The following SUSD5 variants were observed in gnomAD, a reference collection of about 807,000 sequenced individuals.
SUSD5 encodes sushi domain-containing protein 5.
Under a neutral mutation model 29.5 loss-of-function variants are expected in SUSD5, and 33 were observed. The ratio of observed to expected loss-of-function variants is 1.12; its 90% CI spans 0.85 to 1.49. The LOEUF (loss-of-function observed/expected upper bound fraction) is 1.49, where lower values mean the gene tolerates loss of function less well. Among genes scored for constraint, SUSD5 ranks in the 40% most tolerant of loss-of-function variants. The pLI is 0.00. For synonymous variants in SUSD5, 308 were observed against 325.3 expected (o/e 0.95, Z 0.57); for missense variants, 776 against 800.6 (o/e 0.97, Z 0.37).
At chr3:33,164,177 GA>G (rs1193115751) in intron 4 of SUSD5, among the ~76,000 whole-genome samples, 16 of 149,528 alleles carry the variant, frequency 1.1e-4, no homozygotes, top group Admixed American at 1.1e-3. Context: ...CTGTCTCAAA[GA>G]AAAAAAAAGA....
chr3:33,161,813 A>C (rs7349481), intron 4 of SUSD5, among the ~76,000 whole-genome samples: 126,096 of 151,638 alleles, frequency 0.83, 53,000 homozygotes, highest in East Asian at 1. Flanking sequence ...TATGTACTTA[A>C]TAATATAGCC....
intron 3 of SUSD5, among the ~76,000 whole-genome samples, chr3:33,202,109 A>C (rs1203954275): frequency 6.6e-6 from 1 of 152,024 alleles, no homozygotes; most frequent in Non-Finnish European, 1.5e-5. Flanking sequence ...TGAAGCACCC[A>C]CAAGTCTGAG....
Position 33,207,911 on chromosome 3 carries a change from G to A in SUSD5, c.306C>T (p.Ser102=). Residue 102 remains serine (S), a synonymous_variant, in exon 3 of 5, where the codon AGC becomes AGT. Coordinates refer to ENST00000309558, the MANE Select transcript of SUSD5 (RefSeq NM_015551.2). The part of the protein sequence containing the change: ...ADGTLGTTVC[S]KGSGEQQIMR... ...TGATTTGCTGTTCTCCACTTCCTTT[G>A]CTACACACAGTTGTTCTGAAATAGA... The A allele has an allele frequency of 2.5e-6, 4 of 1,613,576 alleles. No homozygotes were observed. The South Asian group carries it at 4.4e-5, about 18-fold the overall frequency.
intron 3 of SUSD5, among the ~76,000 whole-genome samples, chr3:33,196,807 A>T (rs574004889): frequency 6.6e-6 from 1 of 152,350 alleles, no homozygotes; most frequent in East Asian, 1.9e-4. Flanking sequence ...TGAGTATCGT[A>T]CATTCCAACC....
chr3:33,176,113 T>C (rs1319530940), intron 3 of SUSD5, among the ~76,000 whole-genome samples: 2 of 152,224 alleles, frequency 1.3e-5, no homozygotes, highest in African/African-American at 4.8e-5. Context: ...CCTTTTCAGA[T>C]TGGCTTCTTT....
chr3:33,186,420 CCTTT>C (rs1241496841), intron 3 of SUSD5, among the ~76,000 whole-genome samples: 6 of 146,702 alleles, frequency 4.1e-5, no homozygotes, highest in Admixed American at 6.9e-5. Flanking sequence ...GTAGCACTTT[CCTTT>C]CTTTCTTTTT....
chr3:33,175,713 A>C (rs761085587), intron 3 of SUSD5, among the ~76,000 whole-genome samples: 2 of 152,068 alleles, frequency 1.3e-5, no homozygotes, highest in Non-Finnish European at 2.9e-5. Context: ...GGTTCACATC[A>C]AAGTTGAGCA....
chr3:33,168,996 G>T (rs971626714), intron 4 of SUSD5, among the ~76,000 whole-genome samples: 12 of 152,104 alleles, frequency 7.9e-5, no homozygotes, highest in African/African-American at 2.9e-4. Flanking sequence ...TCTGGTGTCT[G>T]ACACAGGCAA....
Position 33,150,888 on chromosome 3 carries a change from T to G in SUSD5, c.*1854A>C, listed in dbSNP as rs1241665049. 8 of 152,210 alleles carry G rather than the reference T, an allele frequency of 5.3e-5. No individual in the cohort carries two copies. 9.4% of individuals were successfully genotyped at this position (152,210 alleles called of 1,614,324 possible). On this transcript the variant is annotated 3_prime_UTR_variant, in exon 5 of 5. Coordinates refer to ENST00000309558, the MANE Select transcript of SUSD5 (RefSeq NM_015551.2). ...CTTAGACTGCTATGGTGTCTCAAAA[T>G]AAATGTGTTGCATTCATCACTTTTT...
intron 1 of SUSD5, 111 bp from the exon 2 acceptor site, chr3:33,214,216 C>T: frequency 3.9e-6 from 4 of 1,035,374 alleles, no homozygotes; most frequent in Non-Finnish European, 5.4e-6. Context: ...TGCCTGAAGG[C>T]CCAAGTGCAG....
intron 3 of SUSD5, 48 bp downstream of exon 3, chr3:33,207,760 C>A (rs1356658521): frequency 7.6e-7 from 1 of 1,310,536 alleles, no homozygotes; most frequent in Non-Finnish European, 1.1e-6. Context: ...ATATAGCAAT[C>A]CCCAAGAGCA....
intron 3 of SUSD5, among the ~76,000 whole-genome samples, chr3:33,182,670 A>G (rs2031696164): frequency 6.6e-6 from 1 of 152,184 alleles, no homozygotes; most frequent in Non-Finnish European, 1.5e-5. Context: ...CCATTATGTA[A>G]TTCTTCTCTT....
chr3:33,199,321 T>C lies in SUSD5; in HGVS notation c.409+8487A>G, dbSNP rs193284045. 1.9e-3 allele frequency among the ~76,000 whole-genome samples: 286 copies of C among 152,294 alleles called. 1 individual carries two copies. Among genetic ancestry groups the C allele is most frequent in the Middle Eastern group, 6.8e-3 (2 of 294 alleles). ...CGGAGTCTCGCTCTGTTGCCCAGGCTGGAGTGCAGTGGCACAATCTCGGCT... is the reference window on the plus strand; with the variant it reads ...CGGAGTCTCGCTCTGTTGCCCAGGCCGGAGTGCAGTGGCACAATCTCGGCT... On this transcript the variant is annotated intron_variant, in intron 3 of 4. Coordinates refer to ENST00000309558, the MANE Select transcript of SUSD5 (RefSeq NM_015551.2).
At position 33,150,862 on chromosome 3, in the gene SUSD5, ACT is replaced by A. The variant is rs1348462041; in HGVS notation, c.*1878_*1879del. 1 of 152,226 alleles carries A rather than the reference ACT, an allele frequency of 6.6e-6. No individual in the cohort carries two copies. Among genetic ancestry groups the A allele is most frequent in the Non-Finnish European group, 1.5e-5 (1 of 68,032 alleles). 9.4% of individuals were successfully genotyped at this position (152,226 alleles called of 1,614,324 possible). A position where few individuals can be genotyped will look rare whatever the true frequency, so the allele number is the denominator to read the frequency against. The stretch of plus-strand genomic sequence containing the variant: ...GGATTTCCCTCTACCACACAAAAAC[ACT>A]TAGACTGCTATGGTGTCTCAAAATA... On this transcript the variant is annotated 3_prime_UTR_variant, in exon 5 of 5. Transcript: ENST00000309558.
rs1398764354 is a variant in SUSD5 at position 33,151,398 on chromosome 3, G to A, written c.*1344C>T. 2 of 152,242 alleles carry A rather than the reference G, an allele frequency of 1.3e-5. No homozygotes were observed. Among genetic ancestry groups the A allele is most frequent in the Non-Finnish European group, 2.9e-5 (2 of 68,078 alleles). 9.4% of individuals were successfully genotyped at this position (152,242 alleles called of 1,614,324 possible). A position where few individuals can be genotyped will look rare whatever the true frequency, so the allele number is the denominator to read the frequency against. ...ACGAAATGGGTTACCCAACAGACAG[G>A]ATGGATTCTGTTTCCACAGAGCTCC... On this transcript the variant is annotated 3_prime_UTR_variant, in exon 5 of 5. Coordinates refer to ENST00000309558, the MANE Select transcript of SUSD5 (RefSeq NM_015551.2).
At chr3:33,160,442 C>T (rs1404870764) in intron 4 of SUSD5, among the ~76,000 whole-genome samples, 1 of 151,718 alleles carries the variant, frequency 6.6e-6, no homozygotes, top group Non-Finnish European at 1.5e-5. Flanking sequence ...GTAGTCCTAG[C>T]TACTCGGCAG....
At chr3:33,206,326 A>C (rs2032217470) in intron 3 of SUSD5, among the ~76,000 whole-genome samples, 1 of 151,902 alleles carries the variant, frequency 6.6e-6, no homozygotes, top group Non-Finnish European at 1.5e-5. Context: ...GTGAGCCGAG[A>C]TCACACCACT....
chr3:33,216,672 A>G (rs1469895402), intron 1 of SUSD5, among the ~76,000 whole-genome samples: 1 of 152,182 alleles, frequency 6.6e-6, no homozygotes, highest in Non-Finnish European at 1.5e-5. Flanking sequence ...TACAGATGAC[A>G]CGTTTTTAGA....
chr3:33,195,039 A>G (rs1459365871), intron 3 of SUSD5, among the ~76,000 whole-genome samples: 1 of 152,134 alleles, frequency 6.6e-6, no homozygotes, highest in Non-Finnish European at 1.5e-5. Context: ...TACTAAAAAT[A>G]CAAAAATTAG....
Sources: gnomAD v4.1 joint callset for allele counts (sites outside exome capture counted in the v4.1 genomes callset) on GRCh38, gnomAD v4.1.1 for gene constraint, MANE v1.5 for transcripts, NCBI Gene and HGNC (gene_info 2026-07-23, HGNC 2026-07-21) for gene names.